Variants in CFDP1 observed in about 807,000 individuals in gnomAD.
The protein encoded by CFDP1 is chromatin remodeling protein CFDP1, also known as heterochromatin-stabilizing protein CFDP1.
A neutral mutation model predicts 40.1 loss-of-function variants in CFDP1; 31 were observed. The ratio of observed to expected loss-of-function variants is 0.77; its 90% CI spans 0.58 to 1.04. The LOEUF is 1.04. Among genes scored for constraint, CFDP1 ranks in the 50% least tolerant of loss-of-function variants. The pLI, the probability that CFDP1 is intolerant of heterozygous loss-of-function variation, is 0.00. For synonymous variants in CFDP1, 167 were observed against 120.0 expected, an observed-to-expected ratio of 1.39 and a Z score of -2.56; for missense variants, 423 against 343.4, an observed-to-expected ratio of 1.23 and a Z score of -1.83.
chr16:75,431,514 C>G lies in CFDP1; in HGVS notation c.64+1775G>C, dbSNP rs575749410. Among the ~76,000 whole-genome samples the G allele has an allele frequency of 4.8e-3, 704 of 146,920 alleles. 1 individual carries two copies. Among genetic ancestry groups the G allele is most frequent in the Middle Eastern group, 0.018 (5 of 278 alleles). ...AAAATCGATCGGGTGTGCTGGCGGGCGCCTGTAATCCCACCTACTTAGGAG... is the reference window on the plus strand; with the variant it reads ...AAAATCGATCGGGTGTGCTGGCGGGGGCCTGTAATCCCACCTACTTAGGAG... On this transcript the variant is annotated intron_variant, in intron 1 of 6. Transcript: ENST00000283882.
At chr16:75,360,774 A>G (rs1474827679) in intron 5 of CFDP1, among the ~76,000 whole-genome samples, 1 of 152,234 alleles carries the variant, frequency 6.6e-6, no homozygotes, top group African/African-American at 2.4e-5. Flanking sequence ...AGCTACCTTA[A>G]TTTATATGTA....
rs527592629 is a variant in CFDP1, at chr16:75,395,552, G to A, written c.531-343C>T. Among the ~76,000 whole-genome samples the A allele has an allele frequency of 3.3e-5, 5 of 152,078 alleles. No homozygotes were observed. The South Asian group carries it at 8.3e-4, about 25-fold the overall frequency. ...CGGGCGCCTGTAGTCCCAGCTACTC[G>A]GGAGGCTGAGGCAGCAGAATCACTT... On this transcript the variant is annotated intron_variant, in intron 4 of 6. Coordinates refer to ENST00000283882, the MANE Select transcript of CFDP1 (RefSeq NM_006324.3).
At chr16:75,340,343 T>C (rs1179883106) in intron 5 of CFDP1, among the ~76,000 whole-genome samples, 1 of 152,250 alleles carries the variant, frequency 6.6e-6, no homozygotes, top group East Asian at 1.9e-4. Flanking sequence ...TAACCCAATT[T>C]AAAGGAGACT....
intron 5 of CFDP1, among the ~76,000 whole-genome samples, chr16:75,356,029 G>T (rs948190166): frequency 3.3e-5 from 5 of 152,052 alleles, no homozygotes; most frequent in African/African-American, 7.3e-5. Context: ...TACCCATAAG[G>T]GTTGGAATAA....
chr16:75,432,212 G>T (rs1250233244), intron 1 of CFDP1, among the ~76,000 whole-genome samples: 1 of 149,928 alleles, frequency 6.7e-6, no homozygotes, highest in Non-Finnish European at 1.5e-5. Context: ...GCCAGGAATG[G>T]AATGGCTAGT....
intron 5 of CFDP1, among the ~76,000 whole-genome samples, chr16:75,383,404 C>G (rs370703433): frequency 6.6e-6 from 1 of 152,138 alleles, no homozygotes; most frequent in African/African-American, 2.4e-5. Context: ...ACATAAAAAT[C>G]GCTTAGTGCT....
At position 75,314,619 on chromosome 16, in the gene CFDP1, T is replaced by A. The variant is rs115527776; in HGVS notation, c.651-9437A>T. On this transcript the variant is annotated intron_variant, in intron 5 of 6. Transcript: ENST00000283882. The stretch of plus-strand genomic sequence containing the variant: ...AAAGCCATTTAATTATAGACTGGCA[T>A]GGGAATTATACCTAAATAAAGCTGT... Among the ~76,000 whole-genome samples, 266 of 152,314 alleles carry A rather than the reference T, an allele frequency of 1.7e-3. 1 individual carries two copies. Among genetic ancestry groups the A allele is most frequent in the African/African-American group, 6.3e-3 (261 of 41,570 alleles).
At chr16:75,389,685 G>GA (rs2078931688) in intron 5 of CFDP1, among the ~76,000 whole-genome samples, 2 of 152,026 alleles carry the variant, frequency 1.3e-5, no homozygotes, top group South Asian at 2.1e-4. Flanking sequence ...AAGTCTGTGG[G>GA]AAAAAAACTT....
chr16:75,370,025 C>G (rs750509870), intron 5 of CFDP1, among the ~76,000 whole-genome samples: 4 of 151,764 alleles, frequency 2.6e-5, no homozygotes. Flanking sequence ...CTGCCCACCT[C>G]GGCTCTCAAA....
At chr16:75,310,530 A>T (rs1198270220) in intron 5 of CFDP1, among the ~76,000 whole-genome samples, 3 of 152,240 alleles carry the variant, frequency 2.0e-5, no homozygotes, top group Non-Finnish European at 4.4e-5. Context: ...TAGCAAAAGA[A>T]ATGTAATTTT....
At position 75,405,749 on chromosome 16, in the gene CFDP1, CA is replaced by C. The variant is rs35698522; in HGVS notation, c.530+6075del. On this transcript the variant is annotated intron_variant, in intron 4 of 6. Transcript: ENST00000283882. ...TGGGTGACAGAGTGAGACTCCATCTCAAAAAAAAAAAAAAAACAAATGAGCC... is the reference window on the plus strand; with the variant it reads ...TGGGTGACAGAGTGAGACTCCATCTCAAAAAAAAAAAAAAACAAATGAGCC... Among the ~76,000 whole-genome samples, 277 of 100,426 alleles carry C rather than the reference CA, an allele frequency of 2.8e-3. 1 individual carries two copies. The highest frequency in any genetic ancestry group is 0.01 in the African/African-American group (244 of 24,144). The allele number at this position is 100,426 out of a possible 152,430, so 65.9% of individuals were successfully genotyped here.
At chr16:75,370,459 T>C (rs2078743825) in intron 5 of CFDP1, among the ~76,000 whole-genome samples, 1 of 152,136 alleles carries the variant, frequency 6.6e-6, no homozygotes, top group Non-Finnish European at 1.5e-5. Context: ...CTAATGTAAA[T>C]GATGAGTTGA....
Position 75,406,108 on chromosome 16 carries a change from C to T in CFDP1, c.530+5717G>A, listed in dbSNP as rs185164828. ...AAATAAAATAGGCCAGGTGCAGTGG[C>T]TCATACCTGTAATCCCAACACTTTG... is the stretch of plus-strand genomic sequence containing the variant. On this transcript the variant is annotated intron_variant, in intron 4 of 6. Transcript: ENST00000283882. 1.5e-4 allele frequency among the ~76,000 whole-genome samples: 23 copies of T among 152,022 alleles called. No homozygotes were observed. The East Asian group carries it at 1.8e-3, about 12-fold the overall frequency.
At chr16:75,418,432 G>A (rs889408351) in intron 1 of CFDP1, among the ~76,000 whole-genome samples, 7 of 149,538 alleles carry the variant, frequency 4.7e-5, no homozygotes, top group East Asian at 2.1e-4. Context: ...TCAGCCTCCC[G>A]TGTAGGTGGG....
At chr16:75,308,757 C>T (rs2078274619) in intron 5 of CFDP1, among the ~76,000 whole-genome samples, 1 of 152,212 alleles carries the variant, frequency 6.6e-6, no homozygotes, top group Admixed American at 6.5e-5. Context: ...CGCCACCTCT[C>T]CCCTTCAGCC....
At chr16:75,341,676 C>T (rs1284637289) in intron 5 of CFDP1, among the ~76,000 whole-genome samples, 2 of 151,680 alleles carry the variant, frequency 1.3e-5, no homozygotes, top group South Asian at 2.1e-4. Flanking sequence ...AAAAAAAGGC[C>T]TGACCCTGCA....
At position 75,378,750 on chromosome 16, in the gene CFDP1, G is replaced by A. The variant is rs899657548; in HGVS notation, c.650+16340C>T. On this transcript the variant is annotated intron_variant, in intron 5 of 6. Coordinates refer to ENST00000283882, the MANE Select transcript of CFDP1 (RefSeq NM_006324.3). ...TGCAAGACACAGACACTGACTGGCC[G>A]ACAAAAAAGGAATTTATTTAAAAGA... Among the ~76,000 whole-genome samples the A allele has an allele frequency of 1.6e-4, 24 of 152,088 alleles. 2 individuals carry two copies. Among genetic ancestry groups the A allele is most frequent in the Admixed American group, 1.1e-3 (17 of 15,280 alleles).
intron 6 of CFDP1, among the ~76,000 whole-genome samples, chr16:75,297,792 T>C (rs1441051628): frequency 1.3e-5 from 2 of 152,340 alleles, no homozygotes; most frequent in Middle Eastern, 3.4e-3. Flanking sequence ...CTCTGACATC[T>C]TTTGAATCTT....
chr16:75,372,572 A>G (rs1458380391), intron 5 of CFDP1: 1 of 152,240 alleles, frequency 6.6e-6, no homozygotes, highest in African/African-American at 2.4e-5. Context: ...CTTCTTCCTG[A>G]AAGAATAAAC....
Sources: gnomAD v4.1 joint callset for allele counts (sites outside exome capture counted in the v4.1 genomes callset) on GRCh38, gnomAD v4.1.1 for gene constraint, MANE v1.5 for transcripts, NCBI Gene and HGNC (gene_info 2026-07-23, HGNC 2026-07-21) for gene names.